NCAPD3: variants seen among roughly 807,000 people sequenced by gnomAD.
The protein encoded by NCAPD3 is condensin-2 complex subunit D3.
A neutral mutation model predicts 182.9 loss-of-function variants in NCAPD3; 105 were observed. The ratio of observed to expected loss-of-function variants is 0.57; its 90% CI spans 0.49 to 0.68. The LOEUF is 0.68. Ranked by LOEUF, NCAPD3 falls within the 30% of genes least tolerant of loss-of-function variation. NCAPD3 has a pLI of 0.00. For synonymous variants in NCAPD3, 815 were observed against 679.9 expected (o/e 1.20, Z -3.09); for missense variants, 1,944 against 1,837.0 (o/e 1.06, Z -1.07).
chr11:134,222,121 G>C (rs555150424), intron 1 of NCAPD3, among the ~76,000 whole-genome samples: 4 of 152,336 alleles, frequency 2.6e-5, no homozygotes, highest in African/African-American at 9.6e-5. Context: ...CTTCAGTGTT[G>C]ATTGTTGAGT....
intron 11 of NCAPD3, 108 bp downstream of exon 11, chr11:134,203,546 G>C: frequency 7.2e-7 from 1 of 1,395,034 alleles, no homozygotes; most frequent in South Asian, 1.4e-5. Context: ...AGTAAAAATA[G>C]ATCATGCCAT....
upstream of NCAPD3, chr11:134,225,065 C>T (rs1035524461): frequency 1.7e-4 from 263 of 1,507,984 alleles, no homozygotes; most frequent in Admixed American, 1.1e-3. Context: ...CCTAGGGCAG[C>T]CCGCGCCCCG....
At chr11:134,203,220 A>G in intron 11 of NCAPD3, 22 bp from the exon 12 acceptor site, 2 of 1,522,810 alleles carry the variant, frequency 1.3e-6, no homozygotes, top group South Asian at 2.3e-5. Flanking sequence ...AAGAAAGATA[A>G]GAAGGAAGAA....
intron 24 of NCAPD3, among the ~76,000 whole-genome samples, chr11:134,172,094 C>T (rs1944020061): frequency 1.3e-5 from 2 of 152,074 alleles, no homozygotes; most frequent in African/African-American, 4.8e-5. Context: ...GGAAGTGGGT[C>T]CAGTGAAGTG....
rs749032817 is a variant in NCAPD3, at chr11:134,151,768, TTTG to T, written c.*1173_*1175del. 7 of 152,338 alleles carry T rather than the reference TTTG, an allele frequency of 4.6e-5. No homozygotes were observed. Among genetic ancestry groups the T allele is most frequent in the South Asian group, 2.1e-4 (1 of 4,820 alleles). The allele number at this position is 152,338 out of a possible 1,614,324, so 9.4% of individuals were successfully genotyped here. A position where few individuals can be genotyped will look rare whatever the true frequency, so the allele number is the denominator to read the frequency against. On this transcript the variant is annotated 3_prime_UTR_variant, in exon 35 of 35. Transcript: ENST00000534548. ...AAAAAACCCAAACATTGCTTCATTC[TTTG>T]TTATTTGCTCTTACGTTGGGTTTGT...
intron 3 of NCAPD3, among the ~76,000 whole-genome samples, chr11:134,213,970 C>T (rs375283848): frequency 2.0e-5 from 3 of 152,080 alleles, no homozygotes; most frequent in East Asian, 3.9e-4. Flanking sequence ...GATAATTATT[C>T]TTAGAGATTC....
At position 134,156,764 on chromosome 11, in the gene NCAPD3, G is replaced by T. The variant is rs116453349; in HGVS notation, c.4252+254C>A. ...TCACCCAACCTACCTGTGCCTCAAC[G>T]GCATTGTCTGCTCCGCGGGCCACTG... is the stretch of plus-strand genomic sequence containing the variant. On this transcript the variant is annotated intron_variant, in intron 32 of 34. Coordinates refer to ENST00000534548, the MANE Select transcript of NCAPD3 (RefSeq NM_015261.3). 3.9e-3 allele frequency: 1,295 copies of T among 334,718 alleles called. 12 individuals are homozygous for T. The highest frequency in any genetic ancestry group is 0.025 in the African/African-American group (1,181 of 47,178). The allele number at this position is 334,718 out of a possible 1,614,324, so 20.7% of individuals were successfully genotyped here.
At chr11:134,205,557 A>G (rs141899508) in intron 8 of NCAPD3, among the ~76,000 whole-genome samples, 314 of 151,988 alleles carry the variant, frequency 2.1e-3, no homozygotes, top group African/African-American at 7.1e-3. Flanking sequence ...TGTATTTTTT[A>G]GTAGAGACAG....
intron 28 of NCAPD3, 28 bp from the exon 29 acceptor site, chr11:134,160,102 A>G (rs192115859): frequency 6.2e-6 from 10 of 1,606,938 alleles, no homozygotes; most frequent in Non-Finnish European, 8.5e-6. Flanking sequence ...GCATCCTTTC[A>G]TGTTTTCTTG....
intron 11 of NCAPD3, among the ~76,000 whole-genome samples, chr11:134,203,419 C>CA (rs922973000): frequency 1.3e-5 from 2 of 152,176 alleles, no homozygotes; most frequent in African/African-American, 4.8e-5. Context: ...AGGTAGCCAC[C>CA]AATGTCACCT....
chr11:134,171,430 C>G (rs949563396), intron 24 of NCAPD3, among the ~76,000 whole-genome samples: 1 of 152,170 alleles, frequency 6.6e-6, no homozygotes, highest in Non-Finnish European at 1.5e-5. Context: ...ACATAAAAAT[C>G]TGACTTCAGA....
chr11:134,161,926 T>C (rs878947571), intron 27 of NCAPD3, 35 bp from the exon 28 acceptor site: 7 of 1,146,782 alleles, frequency 6.1e-6, no homozygotes, highest in East Asian at 2.5e-5. Flanking sequence ...TTTAGATGTA[T>C]GAACTTCTGA....
chr11:134,165,604 G>T (rs1386916878), intron 27 of NCAPD3, among the ~76,000 whole-genome samples: 1 of 143,482 alleles, frequency 7.0e-6, no homozygotes, highest in Non-Finnish European at 1.5e-5. Context: ...AGATGAGCTT[G>T]GGGGAGGCGC....
intron 2 of NCAPD3, among the ~76,000 whole-genome samples, chr11:134,218,205 G>A (rs1938102384): frequency 6.7e-6 from 1 of 150,294 alleles, no homozygotes; most frequent in Non-Finnish European, 1.5e-5. Context: ...GAGGGTGATC[G>A]ATCACCCTAA....
At chr11:134,205,946 C>T (rs1421539672) in intron 8 of NCAPD3, among the ~76,000 whole-genome samples, 1 of 152,174 alleles carries the variant, frequency 6.6e-6, no homozygotes, top group African/African-American at 2.4e-5. Flanking sequence ...CACACACTTG[C>T]ACATGCACAC....
intron 23 of NCAPD3, 101 bp from the exon 24 acceptor site, chr11:134,176,487 A>T: frequency 4.3e-6 from 4 of 920,628 alleles, no homozygotes; most frequent in South Asian, 1.4e-5. Flanking sequence ...TCCCCGGCAC[A>T]CTGGCTGAGT....
chr11:134,160,188 C>A lies in NCAPD3; in HGVS notation c.3685-114G>T, dbSNP rs1943538484. 1.1e-5 allele frequency: 11 copies of A among 1,014,772 alleles called. No individual in the cohort carries two copies. The Admixed American group carries it at 1.6e-4, about 14-fold the overall frequency. The allele number at this position is 1,014,772 out of a possible 1,614,324, so 62.9% of individuals were successfully genotyped here. A position where few individuals can be genotyped will look rare whatever the true frequency, so the allele number is the denominator to read the frequency against. ...CAAACCTGCACATCCTGCACGTGTA[C>A]CCCTGAACGCAAAATAAAAGTTAAG... On this transcript the variant is annotated intron_variant, in intron 28 of 34. Transcript: ENST00000534548.
At chr11:134,153,424 T>C in intron 32 of NCAPD3, 61 bp from the exon 33 acceptor site, 1 of 1,544,204 alleles carries the variant, frequency 6.5e-7, no homozygotes, top group East Asian at 2.2e-5. Flanking sequence ...GTCTCTGTTC[T>C]AGTTGTCCGT....
chr11:134,218,069 GCCTGGGTGACAGAGCAAGAC>G (rs2136030490), intron 2 of NCAPD3, among the ~76,000 whole-genome samples: 1 of 126,738 alleles, frequency 7.9e-6, no homozygotes, highest in Admixed American at 9.1e-5. Flanking sequence ...CTGCATTCCA[GCCTGGGTGACAGAGCAAGAC>G]CCTGGTCTCA....
Sources: allele counts gnomAD v4.1 joint callset (sites outside exome capture counted in the v4.1 genomes callset), GRCh38; gene constraint gnomAD v4.1.1; transcripts MANE v1.5; gene names NCBI Gene and HGNC (gene_info 2026-07-23, HGNC 2026-07-21).